PRDM11: variants seen among roughly 807,000 people sequenced by gnomAD.
The protein encoded by PRDM11 is PR domain-containing protein 11.
Under a neutral mutation model 97.8 loss-of-function variants are expected in PRDM11, and 20 were observed. The observed-to-expected ratio is 0.20, with a 90% CI of 0.14 to 0.30. The LOEUF (loss-of-function observed/expected upper bound fraction) is 0.30. Among genes scored for constraint, PRDM11 ranks in the 10% least tolerant of loss-of-function variants. The pLI is 1.00. For synonymous variants in PRDM11, 599 were observed against 637.7 expected (o/e 0.94, Z 0.91); for missense variants, 1,139 against 1,555.2 (o/e 0.73, Z 4.50).
At chr11:45,183,272 C>G (rs1279780302) in intron 4 of PRDM11, 149 bp downstream of exon 4, 9 of 1,173,344 alleles carry the variant, frequency 7.7e-6, no homozygotes, top group Non-Finnish European at 1.0e-5. Flanking sequence ...TGTCCCCTGG[C>G]CCCGGCTGAG....
At chr11:45,136,873 A>C (rs4495881) in intron 1 of PRDM11, among the ~76,000 whole-genome samples, 122,350 of 151,742 alleles carry the variant, frequency 0.81, 50,179 homozygotes, top group Middle Eastern at 0.88. Context: ...CCGGGCACAG[A>C]GGCTCCTGCC....
chr11:45,165,942 G>A lies in PRDM11; in HGVS notation c.-6-15819G>A, dbSNP rs115387393. ...GCCACCTGGGAGTAGAGAAAAGAGT[G>A]TGGGCTTTGCATTGCACAGACTCCA... On this transcript the variant is annotated intron_variant, in intron 1 of 7. Coordinates refer to ENST00000683152, the MANE Select transcript of PRDM11 (RefSeq NM_001384648.1). Among the ~76,000 whole-genome samples the A allele has an allele frequency of 6.6e-3, 1,012 of 152,312 alleles. 16 individuals carry two copies. Among genetic ancestry groups the A allele is most frequent in the African/African-American group, 0.023 (953 of 41,570 alleles).
upstream of PRDM11, among the ~76,000 whole-genome samples, chr11:45,143,543 G>A (rs1295256648): frequency 1.3e-5 from 2 of 152,162 alleles, no homozygotes; most frequent in East Asian, 3.9e-4. Context: ...GAGAAATTAA[G>A]GAAATATTTC....
At chr11:45,160,787 C>T (rs1331290695) in intron 1 of PRDM11, among the ~76,000 whole-genome samples, 1 of 152,206 alleles carries the variant, frequency 6.6e-6, no homozygotes, top group East Asian at 1.9e-4. Context: ...TCTGTTGAGA[C>T]TGCATAGAAC....
At chr11:45,171,256 C>T (rs1041790948) in intron 1 of PRDM11, among the ~76,000 whole-genome samples, 2 of 152,116 alleles carry the variant, frequency 1.3e-5, no homozygotes, top group African/African-American at 4.8e-5. Context: ...CCCACCAACA[C>T]GCCCAGCTAA....
intron 1 of PRDM11, among the ~76,000 whole-genome samples, chr11:45,153,287 G>A (rs1052244187): frequency 2.0e-5 from 3 of 152,252 alleles, no homozygotes; most frequent in Admixed American, 6.5e-5. Context: ...CCAGCTGGTG[G>A]GGTCCACACT....
At chr11:45,222,777 A>G (rs1344217797) in intron 6 of PRDM11, among the ~76,000 whole-genome samples, 4 of 152,184 alleles carry the variant, frequency 2.6e-5, no homozygotes, top group African/African-American at 9.7e-5. Flanking sequence ...TTGGCCTTCA[A>G]TCAGAAGTCT....
At chr11:45,203,007 T>C (rs982705503) in intron 4 of PRDM11, among the ~76,000 whole-genome samples, 18 of 152,278 alleles carry the variant, frequency 1.2e-4, no homozygotes, top group African/African-American at 4.3e-4. Context: ...GCCATAAATA[T>C]GAGTTTTATT....
chr11:45,120,547 G>A (rs540913173), intron 1 of PRDM11, among the ~76,000 whole-genome samples: 23 of 152,128 alleles, frequency 1.5e-4, no homozygotes, highest in African/African-American at 5.5e-4. Flanking sequence ...ATCTATGGAA[G>A]CTAGAAAAAG....
chr11:45,101,555 C>CAAAA lies in PRDM11; in HGVS notation c.96+5665_96+5668dup, dbSNP rs1172482163. On this transcript the variant is annotated intron_variant, in intron 1 of 6. Transcript: ENST00000530656. The stretch of plus-strand genomic sequence containing the variant: ...TGGGTGACAGAGCAACACTCTGTCT[C>CAAAA]AAAAAAAAAAAAAAGAAGAAGAAGA... Among the ~76,000 whole-genome samples the CAAAA allele has an allele frequency of 1.2e-3, 73 of 61,634 alleles. 4 individuals are homozygous for CAAAA. Among genetic ancestry groups the CAAAA allele is most frequent in the African/African-American group, 3.3e-3 (39 of 11,892 alleles). 40.4% of individuals were successfully genotyped at this position (61,634 alleles called of 152,430 possible).
chr11:45,189,739 C>T (rs1590422517), intron 4 of PRDM11, among the ~76,000 whole-genome samples: 1 of 152,168 alleles, frequency 6.6e-6, no homozygotes, highest in South Asian at 2.1e-4. Flanking sequence ...GCTCATGGCA[C>T]ATCCTCCAGA....
chr11:45,095,599 T>C (rs1298329853), upstream of PRDM11, among the ~76,000 whole-genome samples: 1 of 152,214 alleles, frequency 6.6e-6, no homozygotes, highest in African/African-American at 2.4e-5. Context: ...AGAGGCCACA[T>C]TTCCCAGACT....
intron 1 of PRDM11, among the ~76,000 whole-genome samples, chr11:45,118,319 A>G (rs574339078): frequency 6.6e-6 from 1 of 152,360 alleles, no homozygotes; most frequent in African/African-American, 2.4e-5. Context: ...TGTTTGATTA[A>G]CTGTAACAAA....
intron 1 of PRDM11, among the ~76,000 whole-genome samples, chr11:45,176,504 C>T (rs1052876068): frequency 2.6e-5 from 4 of 152,070 alleles, no homozygotes; most frequent in Non-Finnish European, 4.4e-5. Flanking sequence ...TTAAACAGCC[C>T]TATGAGATAG....
chr11:45,123,912 T>C (rs1473710187), intron 1 of PRDM11, among the ~76,000 whole-genome samples: 1 of 146,334 alleles, frequency 6.8e-6, no homozygotes, highest in Admixed American at 6.9e-5. Flanking sequence ...GGGGATGGCA[T>C]TGAATCTATA....
intron 4 of PRDM11, among the ~76,000 whole-genome samples, chr11:45,202,868 G>T (rs1853378180): frequency 6.6e-6 from 1 of 152,102 alleles, no homozygotes; most frequent in Non-Finnish European, 1.5e-5. Flanking sequence ...CATGATTATT[G>T]TTATTTTTAA....
rs1288547380 is a variant in PRDM11, at chr11:45,231,646, C to A, written c.*3487C>A. The A allele has an allele frequency of 1.3e-5, 2 of 151,530 alleles. No individual in the cohort carries two copies. The highest frequency in any genetic ancestry group is 1.3e-4 in the Admixed American group (2 of 15,162). The allele number at this position is 151,530 out of a possible 1,614,324, so 9.4% of individuals were successfully genotyped here. ...CCAACTGTGCCAAGGTGATACCTGG[C>A]AGAGCCTGGGAGCCAGAGCCCTTAT... On this transcript the variant is annotated 3_prime_UTR_variant, in exon 8 of 8. Coordinates refer to ENST00000683152, the MANE Select transcript of PRDM11 (RefSeq NM_001384648.1).
At chr11:45,208,650 G>A (rs1337486734) in intron 5 of PRDM11, among the ~76,000 whole-genome samples, 2 of 152,054 alleles carry the variant, frequency 1.3e-5, no homozygotes, top group African/African-American at 2.4e-5. Flanking sequence ...CAAGGCCTTC[G>A]ACTCTGAGTT....
At chr11:45,109,105 C>T (rs370243016) in intron 1 of PRDM11, among the ~76,000 whole-genome samples, 4 of 152,212 alleles carry the variant, frequency 2.6e-5, no homozygotes, top group Non-Finnish European at 5.9e-5. Context: ...ATGTTGTCCC[C>T]GCCCCTCAGG....
Sources: gnomAD v4.1 joint callset for allele counts (sites outside exome capture counted in the v4.1 genomes callset) on GRCh38, gnomAD v4.1.1 for gene constraint, MANE v1.5 for transcripts, NCBI Gene and HGNC (gene_info 2026-07-23, HGNC 2026-07-21) for gene names.